The following PPP4R2 variants were observed in gnomAD, a reference collection of about 807,000 sequenced individuals.
PPP4R2 encodes protein phosphatase 4 regulatory subunit 2, also known as serine/threonine-protein phosphatase 4 regulatory subunit 2.
PPP4R2 carries 13 observed loss-of-function variants against 47.2 expected under a neutral mutation model. The ratio of observed to expected loss-of-function variants is 0.28; its 90% CI spans 0.18 to 0.44. The LOEUF (loss-of-function observed/expected upper bound fraction) is 0.44, where lower values mean the gene tolerates loss of function less well. Among genes scored for constraint, PPP4R2 ranks in the 20% least tolerant of loss-of-function variants. The pLI is 1.00. For missense variants in PPP4R2, 421 were observed against 491.2 expected, an observed-to-expected ratio of 0.86 and a Z score of 1.35; for synonymous variants, 151 against 163.3, an observed-to-expected ratio of 0.92 and a Z score of 0.57.
At chr3:73,059,434 C>A (rs965428371) in intron 4 of PPP4R2, among the ~76,000 whole-genome samples, 1 of 152,126 alleles carries the variant, frequency 6.6e-6, no homozygotes. Flanking sequence ...GCTATTTTAA[C>A]TTTATAGAGT....
intron 2 of PPP4R2, among the ~76,000 whole-genome samples, chr3:73,032,538 T>C (rs1702186247): frequency 6.6e-6 from 1 of 152,168 alleles, no homozygotes; most frequent in Admixed American, 6.6e-5. Context: ...CTGCCCGCCC[T>C]GGCCTCCCAA....
At chr3:73,010,559 GCT>G (rs1315052652) in intron 2 of PPP4R2, among the ~76,000 whole-genome samples, 2 of 118,706 alleles carry the variant, frequency 1.7e-5, no homozygotes, top group East Asian at 4.7e-4. Flanking sequence ...TGTCTCTCTC[GCT>G]CTCTTTTTTT....
In PPP4R2 at chr3:73,023,681, C is replaced by T. The variant is rs190311497; in HGVS notation, c.117-23505C>T. Among the ~76,000 whole-genome samples the T allele has an allele frequency of 6.4e-4, 98 of 152,096 alleles. 1 individual carries two copies. The highest frequency in any genetic ancestry group is 3.1e-3 in the Admixed American group (48 of 15,262). On this transcript the variant is annotated intron_variant, in intron 2 of 8. Transcript: ENST00000356692. ...ACATGACAGTCCCTCCATTTCTATCCGATGTAATATAGCATATTAATTTAG... is the reference window on the plus strand; with the variant it reads ...ACATGACAGTCCCTCCATTTCTATCTGATGTAATATAGCATATTAATTTAG...
chr3:73,048,858 T>G (rs1452472140), intron 3 of PPP4R2, among the ~76,000 whole-genome samples: 1 of 152,200 alleles, frequency 6.6e-6, no homozygotes, highest in Non-Finnish European at 1.5e-5. Flanking sequence ...GTTTTTAGGT[T>G]TAAGAATTTT....
At chr3:73,007,781 G>A (rs1483257560) in intron 2 of PPP4R2, among the ~76,000 whole-genome samples, 4 of 152,162 alleles carry the variant, frequency 2.6e-5, no homozygotes, top group Non-Finnish European at 4.4e-5. Context: ...GAGCCACCGC[G>A]CCCGGCCTCT....
chr3:73,018,196 G>A (rs1055326798), intron 2 of PPP4R2, among the ~76,000 whole-genome samples: 1 of 152,010 alleles, frequency 6.6e-6, no homozygotes, highest in African/African-American at 2.4e-5. Context: ...ACACAACACA[G>A]GTTTCAACTG....
chr3:73,065,103 CAGAAGAGGATGA>C lies in PPP4R2; in HGVS notation c.906_917del (p.Asp304_Glu307del), dbSNP rs754988583. On this transcript the variant is annotated inframe_deletion, in exon 8 of 9. Transcript: ENST00000356692. ...AGCCGTTGTACCCGGCAGCACTGTACAGAAGAGGATGAAGAAGAGGATGAAGAGGAAGAAGAA... is the reference window on the plus strand; with the variant it reads ...AGCCGTTGTACCCGGCAGCACTGTACAGAAGAGGATGAAGAGGAAGAAGAA... 865 of 1,613,590 alleles carry C rather than the reference CAGAAGAGGATGA, an allele frequency of 5.4e-4. 8 individuals carry two copies. The East Asian group carries it at 0.015, about 28-fold the overall frequency.
At chr3:73,028,793 C>T (rs550021752) in intron 2 of PPP4R2, among the ~76,000 whole-genome samples, 59 of 152,078 alleles carry the variant, frequency 3.9e-4, no homozygotes, top group Non-Finnish European at 6.0e-4. Context: ...ACTAGTGTGT[C>T]TAGCCCTTTC....
At chr3:73,004,859 GTGTGTGTGTGTTTGTT>G (rs994465974) in intron 2 of PPP4R2, among the ~76,000 whole-genome samples, 23 of 51,226 alleles carry the variant, frequency 4.5e-4, no homozygotes, top group Admixed American at 1.4e-3. Context: ...GTGTGTGTGT[GTGTGTGTGTGTTTGTT>G]TGTTTGTTTG....
At chr3:72,996,785 A>T, upstream of PPP4R2, 1 of 353,280 alleles carries the variant, frequency 2.8e-6, no homozygotes, top group Non-Finnish European at 5.1e-6. Context: ...GGACGGCGGC[A>T]GGGAGCGTGC....
chr3:73,054,483 T>A (rs1183246354), intron 3 of PPP4R2, among the ~76,000 whole-genome samples: 1 of 152,216 alleles, frequency 6.6e-6, no homozygotes, highest in Non-Finnish European at 1.5e-5. Context: ...ATATTGTTAG[T>A]TTCCATGTTG....
chr3:73,009,965 T>C (rs1317820770), intron 2 of PPP4R2, among the ~76,000 whole-genome samples: 2 of 152,224 alleles, frequency 1.3e-5, no homozygotes, highest in South Asian at 4.1e-4. Context: ...GTAATACATG[T>C]GTGTGGAAAT....
intron 2 of PPP4R2, among the ~76,000 whole-genome samples, chr3:73,004,925 G>GTGTGTA (rs1396366027): frequency 7.0e-6 from 1 of 142,578 alleles, no homozygotes; most frequent in East Asian, 2.1e-4. Flanking sequence ...GTGTGTGTTT[G>GTGTGTA]TGTGTTTTGA....
chr3:72,997,253 C>T (rs558054570), intron 1 of PPP4R2, 182 bp downstream of exon 1: 3 of 434,522 alleles, frequency 6.9e-6, no homozygotes, highest in East Asian at 3.6e-5. Flanking sequence ...TCTCCCGCCC[C>T]GCTCTGGCTT....
At chr3:73,063,195 A>G in intron 5 of PPP4R2, 1 of 397,688 alleles carries the variant, frequency 2.5e-6, no homozygotes, top group South Asian at 2.9e-5. Flanking sequence ...CTGATGTTAT[A>G]CCAGGATCAA....
chr3:73,025,344 T>C (rs549601275), intron 2 of PPP4R2, among the ~76,000 whole-genome samples: 1 of 152,326 alleles, frequency 6.6e-6, no homozygotes, highest in Non-Finnish European at 1.5e-5. Flanking sequence ...TCCAGATAAA[T>C]TTAGCACTGA....
Position 73,063,933 on chromosome 3 carries a change from A to G in PPP4R2, c.495-70A>G. On this transcript the variant is annotated intron_variant, in intron 6 of 8. Transcript: ENST00000356692. ...CAGCAAATACTTCTGTGATGTATTC[A>G]CATCAACATACCTTAAGAGGGATGA... The G allele has an allele frequency of 7.9e-6, 11 of 1,389,458 alleles. No homozygotes were observed. In the South Asian group the frequency reaches 1.3e-4, roughly 17 times the overall value. The allele number at this position is 1,389,458 out of a possible 1,614,324, so 86.1% of individuals were successfully genotyped here.
chr3:73,002,634 CTTTTTTTTTTTTTTTTTTT>C (rs1173734970), intron 2 of PPP4R2, among the ~76,000 whole-genome samples: 1 of 41,166 alleles, frequency 2.4e-5, no homozygotes, highest in Admixed American at 2.7e-4. Flanking sequence ...CTTTTCTTTT[CTTTTTTTTTTTTTTTTTTT>C]TTTTTTGAGA....
In PPP4R2 at chr3:73,059,936, GAAAAAAAA is replaced by G. The variant is rs11300271; in HGVS notation, c.381+815_381+822del. Among the ~76,000 whole-genome samples the G allele has an allele frequency of 5.9e-5, 7 of 118,296 alleles. 1 individual carries two copies. The highest frequency in any genetic ancestry group is 1.2e-4 in the Non-Finnish European group (7 of 56,016). The allele number at this position is 118,296 out of a possible 152,430, so 77.6% of individuals were successfully genotyped here. A position where few individuals can be genotyped will look rare whatever the true frequency, so the allele number is the denominator to read the frequency against. ...GGCAACAAAGTGAGACTCTGTCTCA[GAAAAAAAA>G]AAAAAAAAGGAAATGGTGTGAAGAA... On this transcript the variant is annotated intron_variant, in intron 4 of 8. Transcript: ENST00000356692.
Sources: allele counts gnomAD v4.1 joint callset (sites outside exome capture counted in the v4.1 genomes callset), GRCh38; gene constraint gnomAD v4.1.1; transcripts MANE v1.5; gene names NCBI Gene and HGNC (gene_info 2026-07-23, HGNC 2026-07-21).